MSL3: variants seen among roughly 807,000 people sequenced by gnomAD.
MSL3 encodes MSL3-like 1.
In MSL3, 5 loss-of-function variants were observed where a neutral mutation model predicts 37.2. The observed-to-expected ratio is 0.13, with a 90% CI of 0.07 to 0.28. MSL3 has a LOEUF of 0.28. Among genes scored for constraint, MSL3 ranks in the 10% least tolerant of loss-of-function variants. The pLI is 1.00. For synonymous variants in MSL3, 149 were observed against 147.6 expected (o/e 1.01, Z -0.07); for missense variants, 315 against 408.5 (o/e 0.77, Z 1.97).
upstream of MSL3, chrX:11,758,179 GCAC>G: frequency 5.7e-6 from 1 of 176,371 alleles, no homozygotes; most frequent in Non-Finnish European, 9.6e-6. Flanking sequence ...CGGCCACGGC[GCAC>G]CGCCTCCCCG....
intron 3 of MSL3, among the ~76,000 whole-genome samples, 154 bp from the exon 4 acceptor site, chrX:11,760,683 A>C (rs930582930): frequency 8.9e-6 from 1 of 112,537 alleles, no homozygotes; most frequent in African/African-American, 3.2e-5. Flanking sequence ...CAGAGTGGTT[A>C]TTGTATAATT....
In MSL3 at chrX:11,762,967, T is replaced by C. The variant is rs766442822; in HGVS notation, c.719T>C (p.Met240Thr). Residue 240 changes from methionine (M) to threonine (T), a missense_variant, in exon 7 of 13, where the codon ATG (methionine) becomes ACG (threonine). By Grantham distance (81) the Met-to-Thr change is moderately conservative. Transcript: ENST00000312196. ...CATCACGTTATGCCACATGCCAACATGAACGTGCATTATATCCCAGCAGAA... is the reference window on the plus strand; with the variant it reads ...CATCACGTTATGCCACATGCCAACACGAACGTGCATTATATCCCAGCAGAA... The part of the protein sequence containing the change: ...RHHHVMPHAN[M>T]NVHYIPAEKN... 95 of 1,207,471 alleles carry C rather than the reference T, an allele frequency of 7.9e-5. No homozygotes were observed. The highest frequency in any genetic ancestry group is 1.0e-4 in the Non-Finnish European group (93 of 894,231).
At chrX:11,767,021 C>A in intron 9 of MSL3, 1 of 754,371 alleles carries the variant, frequency 1.3e-6, no homozygotes, top group Non-Finnish European at 1.6e-6. Flanking sequence ...TTGGAACTCC[C>A]AAAAGTCATC....
chrX:11,758,371 G>A lies in MSL3; in HGVS notation c.102+6G>A. 1 of 1,097,649 alleles carries A rather than the reference G, an allele frequency of 9.1e-7. No homozygotes were observed. Among genetic ancestry groups the A allele is most frequent in the East Asian group, 3.9e-5 (1 of 25,589 alleles). 90.5% of individuals were successfully genotyped at this position (1,097,649 alleles called of 1,213,427 possible). On this transcript the variant is annotated splice_donor_region_variant and intron_variant, in intron 1 of 12. Transcript: ENST00000312196. Reference sequence around the variant, plus strand: ...GAGTGCTGTACGATGCCAAGGTGCCGCCGCGGAGGGACAGGGAGGAGGCGC... The same window carrying A: ...GAGTGCTGTACGATGCCAAGGTGCCACCGCGGAGGGACAGGGAGGAGGCGC...
At chrX:11,773,955 T>A (rs749171310) in intron 12 of MSL3, among the ~76,000 whole-genome samples, 1 of 112,325 alleles carries the variant, frequency 8.9e-6, no homozygotes, top group Admixed American at 9.4e-5. Flanking sequence ...TTTAGGAATT[T>A]GGGCAGGTGG....
At chrX:11,760,527 G>A (rs758329154) in intron 3 of MSL3, 29 bp downstream of exon 3, 2 of 1,042,540 alleles carry the variant, frequency 1.9e-6, no homozygotes, top group Non-Finnish European at 1.3e-6. Context: ...AGATATAAAT[G>A]TTATCCAATG....
chrX:11,766,654 C>G (rs56355328), intron 9 of MSL3: 1 of 753,052 alleles, frequency 1.3e-6, no homozygotes, highest in African/African-American at 2.3e-5. Flanking sequence ...CCTGGTGCCT[C>G]GCGGGCTCAG....
intron 9 of MSL3, chrX:11,765,937 G>T: frequency 9.5e-7 from 1 of 1,049,438 alleles, no homozygotes; most frequent in African/African-American, 1.9e-5. Flanking sequence ...GTTGGAGGCA[G>T]GACTGGGCTG....
intron 1 of MSL3, among the ~76,000 whole-genome samples, chrX:11,759,001 T>C (rs775018558): frequency 1.6e-4 from 18 of 112,243 alleles, no homozygotes; most frequent in Non-Finnish European, 3.4e-4. Context: ...CCCGGGCCGG[T>C]CCACCTAAGT....
intron 12 of MSL3, among the ~76,000 whole-genome samples, chrX:11,773,003 A>G (rs1236927794): frequency 4.4e-5 from 5 of 112,363 alleles, no homozygotes. Flanking sequence ...AAATTTTCTA[A>G]AGTAGAAGTG....
At chrX:11,771,063 A>G (rs986940363) in intron 10 of MSL3, among the ~76,000 whole-genome samples, 14 of 112,467 alleles carry the variant, frequency 1.2e-4, no homozygotes, top group African/African-American at 4.5e-4. Context: ...AAGTGAAGCT[A>G]GGCCTTTGTT....
At chrX:11,774,188 G>A (rs928121452) in intron 12 of MSL3, among the ~76,000 whole-genome samples, 41 of 112,362 alleles carry the variant, frequency 3.6e-4, no homozygotes, top group African/African-American at 1.3e-3. Context: ...ACATGTTTTG[G>A]CATGGCAAAT....
intron 8 of MSL3, 33 bp downstream of exon 8, chrX:11,763,971 A>G: frequency 8.8e-7 from 1 of 1,139,931 alleles, no homozygotes; most frequent in South Asian, 2.0e-5. Flanking sequence ...TCACCCTCAC[A>G]TGTCAGCAGT....
At position 11,765,652 on chromosome X, in the gene MSL3, G is replaced by A. The variant is rs147804390; in HGVS notation, c.1094G>A (p.Ser365Asn). The A allele has an allele frequency of 1.7e-3, 2,007 of 1,210,508 alleles. 2 individuals carry two copies. The highest frequency in any genetic ancestry group is 2.0e-3 in the Non-Finnish European group (1,767 of 895,241). The change falls in exon 9 of 13, where the codon AGC (serine) becomes AAC (asparagine). Residue 365 changes from serine to asparagine, a missense_variant. Transcript: ENST00000312196. ...AACTGTGACAGGCTTTCTGAGAGCA[G>A]CGCTTCACCTCAGCCCAAGCGCCGG... ...SANCDRLSES[S>N]ASPQPKRRQQ...
Position 11,775,478 on chromosome X carries a change from C to T in MSL3, c.*399C>T, listed in dbSNP as rs2053266805. ...TTATTTTTTTGATGAAGCCGAGCAA[C>T]TCTGTCCAAAAAGGTTTAGTTTGTA... is the stretch of plus-strand genomic sequence containing the variant. On this transcript the variant is annotated 3_prime_UTR_variant, in exon 13 of 13. Coordinates refer to ENST00000312196, the MANE Select transcript of MSL3 (RefSeq NM_078629.4). 8.4e-6 allele frequency: 1 copy of T among 118,439 alleles called. No individual in the cohort carries two copies. Among genetic ancestry groups the T allele is most frequent in the Non-Finnish European group, 1.7e-5 (1 of 57,529 alleles). 9.8% of individuals were successfully genotyped at this position (118,439 alleles called of 1,213,427 possible).
intron 12 of MSL3, among the ~76,000 whole-genome samples, chrX:11,774,417 T>G (rs1280028017): frequency 9.0e-6 from 1 of 111,591 alleles, no homozygotes; most frequent in Non-Finnish European, 1.9e-5. Flanking sequence ...CCTCCCAGGT[T>G]CATGCCATTC....
intron 7 of MSL3, 147 bp from the exon 8 acceptor site, chrX:11,763,633 C>A (rs955625671): frequency 4.5e-6 from 2 of 442,954 alleles, no homozygotes; most frequent in Non-Finnish European, 7.8e-6. Flanking sequence ...ACAGTAGCTA[C>A]AAATCCATTT....
chrX:11,759,626 G>T, intron 1 of MSL3, 167 bp from the exon 2 acceptor site: 1 of 1,085,079 alleles, frequency 9.2e-7, no homozygotes, highest in Non-Finnish European at 1.2e-6. Flanking sequence ...TTTTGAAGGC[G>T]TCCACTTGGG....
At chrX:11,766,722 G>A (rs2053186967) in intron 9 of MSL3, 1 of 753,313 alleles carries the variant, frequency 1.3e-6, no homozygotes, top group Admixed American at 8.7e-5. Context: ...CCGGCACACT[G>A]TGTGGAGGTG....
Sources: allele counts gnomAD v4.1 joint callset (sites outside exome capture counted in the v4.1 genomes callset), GRCh38; gene constraint gnomAD v4.1.1; transcripts MANE v1.5; gene names NCBI Gene and HGNC (gene_info 2026-07-23, HGNC 2026-07-21).